IKZF1: variants seen among roughly 807,000 people sequenced by gnomAD.
The protein encoded by IKZF1 is IKAROS family zinc finger 1, also known as DNA-binding protein Ikaros.
In IKZF1, 10 loss-of-function variants were observed where a neutral mutation model predicts 51.7. That is an observed-to-expected ratio of 0.19 (90% CI 0.12 to 0.33). The LOEUF is 0.33. IKZF1 is among the 10% of genes least tolerant of loss of function. The pLI is 1.00. For missense variants in IKZF1, 484 were observed against 707.5 expected (o/e 0.68, Z 3.58); for synonymous variants, 280 against 282.3 (o/e 0.99, Z 0.08).
chr7:50,375,027 G>T (rs1298246815), intron 3 of IKZF1, among the ~76,000 whole-genome samples: 1 of 151,724 alleles, frequency 6.6e-6, no homozygotes, highest in Non-Finnish European at 1.5e-5. Flanking sequence ...TGCAACTCTG[G>T]GTTGAGCCTG....
In IKZF1 at chr7:50,327,607, C is replaced by T. The variant is rs774452114; in HGVS notation, c.41-31C>T. The T allele has an allele frequency of 3.5e-5, 55 of 1,581,142 alleles. No individual in the cohort carries two copies. In the Admixed American group the frequency reaches 5.6e-4, roughly 16 times the overall value. Reference sequence around the variant, plus strand: ...AGCCCAGGCACCTTGACCATGACCGCCCGAGACTCACACTTCTTCTTTCTC... The same window carrying T: ...AGCCCAGGCACCTTGACCATGACCGTCCGAGACTCACACTTCTTCTTTCTC... On this transcript the variant is annotated intron_variant, in intron 2 of 7. Transcript: ENST00000331340.
Position 50,376,405 on chromosome 7 carries a change from G to A in IKZF1, c.161-128G>A. On this transcript the variant is annotated intron_variant, in intron 3 of 7. Coordinates refer to ENST00000331340, the MANE Select transcript of IKZF1 (RefSeq NM_006060.6). The surrounding 1 kb of genome is among the most constrained non-coding windows in gnomAD (Gnocchi z 4.5). Reference sequence around the variant, plus strand: ...GGCGAGCTCAGGCTGCTCTCCCCTTGGTATTTGCTAAGAACTTCTGTTTAG... The same window carrying A: ...GGCGAGCTCAGGCTGCTCTCCCCTTAGTATTTGCTAAGAACTTCTGTTTAG... 1.4e-6 allele frequency: 2 copies of A among 1,453,246 alleles called. No homozygotes were observed. The highest frequency in any genetic ancestry group is 1.8e-6 in the Non-Finnish European group (2 of 1,083,478). The allele number at this position is 1,453,246 out of a possible 1,614,324, so 90.0% of individuals were successfully genotyped here. A position where few individuals can be genotyped will look rare whatever the true frequency, so the allele number is the denominator to read the frequency against.
At chr7:50,308,344 A>G (rs902623034) in intron 1 of IKZF1, among the ~76,000 whole-genome samples, 2 of 152,200 alleles carry the variant, frequency 1.3e-5, no homozygotes, top group Non-Finnish European at 2.9e-5. Context: ...TTTCCCTCTC[A>G]TGTTTGACTA....
At chr7:50,354,918 T>A (rs912579484) in intron 3 of IKZF1, among the ~76,000 whole-genome samples, 1 of 152,264 alleles carries the variant, frequency 6.6e-6, no homozygotes, top group South Asian at 2.1e-4. Flanking sequence ...ATCAGTACTA[T>A]GCTTCAGCGT....
chr7:50,392,848 G>T (rs892176327), intron 7 of IKZF1, among the ~76,000 whole-genome samples: 1 of 152,174 alleles, frequency 6.6e-6, no homozygotes, highest in Non-Finnish European at 1.5e-5. Context: ...AAACCAGAAT[G>T]CTGACCATGA....
At chr7:50,388,426 T>C (rs1814054307) in intron 6 of IKZF1, 1 of 152,188 alleles carries the variant, frequency 6.6e-6, no homozygotes, top group Non-Finnish European at 1.5e-5. Context: ...AAAAAGAATG[T>C]TGAGAATGGC....
chr7:50,310,696 C>T (rs977043787), intron 1 of IKZF1, among the ~76,000 whole-genome samples: 1 of 152,204 alleles, frequency 6.6e-6, no homozygotes, highest in African/African-American at 2.4e-5. Context: ...CAGCGCTGAG[C>T]TCCCTATTGC....
intron 3 of IKZF1, among the ~76,000 whole-genome samples, chr7:50,338,742 G>T (rs1225527077): frequency 6.6e-6 from 1 of 152,218 alleles, no homozygotes; most frequent in East Asian, 1.9e-4. Flanking sequence ...AGTGGGCCAT[G>T]CCAGGAAGCT....
At chr7:50,378,011 CCCTCGTAT>C (rs1810797341) in intron 4 of IKZF1, among the ~76,000 whole-genome samples, 1 of 152,180 alleles carries the variant, frequency 6.6e-6, no homozygotes, top group Non-Finnish European at 1.5e-5. Flanking sequence ...TGAAATCAGA[CCCTCGTAT>C]GCTGCTTCCG....
At chr7:50,352,265 C>G (rs1802052266) in intron 3 of IKZF1, among the ~76,000 whole-genome samples, 1 of 152,154 alleles carries the variant, frequency 6.6e-6, no homozygotes, top group Admixed American at 6.5e-5. Context: ...GCTTTGAATT[C>G]TCTTATCTGC....
At chr7:50,353,536 G>A (rs942396628) in intron 3 of IKZF1, among the ~76,000 whole-genome samples, 1 of 152,202 alleles carries the variant, frequency 6.6e-6, no homozygotes, top group Non-Finnish European at 1.5e-5. Context: ...AGAGAGAAGG[G>A]CTAACCATCC....
chr7:50,399,509 G>A (rs1286117591), intron 7 of IKZF1, among the ~76,000 whole-genome samples: 1 of 151,792 alleles, frequency 6.6e-6, no homozygotes, highest in Non-Finnish European at 1.5e-5. Flanking sequence ...TGTATAGTAA[G>A]TTAGCCAGTT....
Position 50,376,856 on chromosome 7 carries a change from A to T in IKZF1, c.421+63A>T. 6.3e-7 allele frequency: 1 copy of T among 1,585,422 alleles called. No homozygotes were observed. Among genetic ancestry groups the T allele is most frequent in the Non-Finnish European group, 8.6e-7 (1 of 1,164,810 alleles). On this transcript the variant is annotated intron_variant, in intron 4 of 7. Coordinates refer to ENST00000331340, the MANE Select transcript of IKZF1 (RefSeq NM_006060.6). This position sits in a 1 kb window ranked among gnomAD's most constrained non-coding sequence, Gnocchi z 4.5. ...GAAGGTGCATGGGGTTTGAAGGAGG[A>T]AAGCATCCTGTCTTCCTTGTGTTCT...
intron 2 of IKZF1, among the ~76,000 whole-genome samples, chr7:50,321,459 T>C (rs535705342): frequency 3.9e-5 from 6 of 152,338 alleles, no homozygotes; most frequent in African/African-American, 9.6e-5. Context: ...GTTTGCTGAC[T>C]GTGACTAGAA....
intron 1 of IKZF1, among the ~76,000 whole-genome samples, chr7:50,316,537 G>A (rs980555939): frequency 3.3e-5 from 5 of 152,206 alleles, no homozygotes; most frequent in Non-Finnish European, 5.9e-5. Flanking sequence ...GAAGGTGCTC[G>A]CTGTGGTGTG....
At chr7:50,327,401 TG>T (rs1357592417) in intron 2 of IKZF1, 3 of 376,368 alleles carry the variant, frequency 8.0e-6, no homozygotes, top group African/African-American at 6.2e-5. Flanking sequence ...TGGCAGTGTC[TG>T]GGATTATAGG....
At chr7:50,362,452 C>T (rs547412740) in intron 3 of IKZF1, among the ~76,000 whole-genome samples, 1 of 152,188 alleles carries the variant, frequency 6.6e-6, no homozygotes, top group Non-Finnish European at 1.5e-5. Flanking sequence ...AGCACTAGCC[C>T]TATTGTTTTT....
chr7:50,358,229 G>A lies in IKZF1; in HGVS notation c.161-18304G>A, dbSNP rs181140583. ...GAAAGGGAGGAACCCCCCTTACTTCGAAGAAGTGTTGTTGATGTGAAGGAC... is the reference window on the plus strand; with the variant it reads ...GAAAGGGAGGAACCCCCCTTACTTCAAAGAAGTGTTGTTGATGTGAAGGAC... On this transcript the variant is annotated intron_variant, in intron 3 of 7. Coordinates refer to ENST00000331340, the MANE Select transcript of IKZF1 (RefSeq NM_006060.6). Among the ~76,000 whole-genome samples the A allele has an allele frequency of 4.6e-5, 7 of 152,304 alleles. 1 individual carries two copies. In the Middle Eastern group the frequency reaches 0.014, roughly 296 times the overall value.
chr7:50,364,213 A>G (rs543633281), intron 3 of IKZF1, among the ~76,000 whole-genome samples: 1 of 152,188 alleles, frequency 6.6e-6, no homozygotes, highest in Non-Finnish European at 1.5e-5. Context: ...ACGGCACAAG[A>G]AGTTTATAAT....
Sources: allele counts gnomAD v4.1 joint callset (sites outside exome capture counted in the v4.1 genomes callset), GRCh38; gene constraint gnomAD v4.1.1; non-coding constraint Gnocchi (gnomAD v3.1); transcripts MANE v1.5; gene names NCBI Gene and HGNC (gene_info 2026-07-23, HGNC 2026-07-21).